The following DRC9 variants were observed in gnomAD, a reference collection of about 807,000 sequenced individuals.
DRC9 encodes dynein regulatory complex protein 9.
chr3:197,913,951 G>T, the DRC9 span: 8 of 1,613,950 alleles, frequency 5.0e-6, no homozygotes, highest in Non-Finnish European at 3.4e-6. Context: ...CTGCAGCTCG[G>T]TATTGGTTTT....
chr3:197,928,172 T>C, the DRC9 span, among the ~76,000 whole-genome samples: 5 of 152,190 alleles, frequency 3.3e-5, no homozygotes, highest in Middle Eastern at 3.2e-3. Flanking sequence ...TTAACTATCA[T>C]TGAAATTTTA....
the DRC9 span, among the ~76,000 whole-genome samples, chr3:197,904,110 ATTT>A: frequency 3.9e-3 from 314 of 80,784 alleles, 5 homozygotes; most frequent in African/African-American, 0.012. Context: ...ATATATATAT[ATTT>A]TTTTTTTTAA....
chr3:197,915,163 C>CAAAAAAAAAAAAAAA, the DRC9 span, among the ~76,000 whole-genome samples: 2 of 71,334 alleles, frequency 2.8e-5, no homozygotes, highest in South Asian at 5.3e-4. Context: ...GATTCTGTCT[C>CAAAAAAAAAAAAAAA]AAAAAAAAAA....
At chr3:197,922,733 T>G in the DRC9 span, among the ~76,000 whole-genome samples, 2 of 151,168 alleles carry the variant, frequency 1.3e-5, no homozygotes, top group Admixed American at 6.6e-5. Context: ...AATAAATAAA[T>G]AAATAAATAA....
the DRC9 span, among the ~76,000 whole-genome samples, chr3:197,904,039 C>T: frequency 1.5e-3 from 99 of 65,268 alleles, no homozygotes; most frequent in Non-Finnish European, 2.0e-3. Context: ...TATATACATA[C>T]ATATATATAC....
chr3:197,951,643 G>A, the DRC9 span: 12 of 325,668 alleles, frequency 3.7e-5, no homozygotes, highest in East Asian at 7.3e-4. Context: ...TTGAGCCACC[G>A]CGCCTGGCCT....
At chr3:197,951,351 C>G in the DRC9 span, 34 of 1,603,934 alleles carry the variant, frequency 2.1e-5, no homozygotes, top group African/African-American at 1.1e-4. Context: ...TTTTTGAGAT[C>G]TGCCTCATTT....
At chr3:197,957,589 G>A in the DRC9 span, 2 of 151,960 alleles carry the variant, frequency 1.3e-5, no homozygotes, top group African/African-American at 4.8e-5. Flanking sequence ...CAGGATTGTG[G>A]TTTTAAGGCA....
the DRC9 span, chr3:197,950,049 A>C: frequency 1.0e-6 from 1 of 992,744 alleles, no homozygotes; most frequent in Non-Finnish European, 1.3e-6. Flanking sequence ...AAATAATTGT[A>C]AGAGTGCTAT....
the DRC9 span, among the ~76,000 whole-genome samples, chr3:197,926,663 G>A: frequency 4.6e-5 from 7 of 152,076 alleles, no homozygotes; most frequent in African/African-American, 1.7e-4. Flanking sequence ...AGGCCACACT[G>A]CCCACAGACT....
At chr3:197,910,204 G>A in the DRC9 span, among the ~76,000 whole-genome samples, 118 of 152,296 alleles carry the variant, frequency 7.7e-4, no homozygotes, top group Middle Eastern at 3.4e-3. Context: ...GGAGGCTGAG[G>A]TGGGAGGATC....
At chr3:197,946,603 T>C in the DRC9 span, among the ~76,000 whole-genome samples, 618 of 152,092 alleles carry the variant, frequency 4.1e-3, 2 homozygotes, top group African/African-American at 0.014. Context: ...GGACAGTGAG[T>C]GGTGAGTTTC....
At chr3:197,934,181 G>GTTTTTTT in the DRC9 span, among the ~76,000 whole-genome samples, 2 of 82,650 alleles carry the variant, frequency 2.4e-5, 1 homozygote, top group African/African-American at 2.5e-4. Context: ...TTCATTCTGG[G>GTTTTTTT]TCTTTTTTTT....
the DRC9 span, among the ~76,000 whole-genome samples, chr3:197,955,280 T>C: frequency 7.9e-5 from 12 of 152,032 alleles, no homozygotes; most frequent in East Asian, 2.3e-3. Context: ...TTTCTTTTTT[T>C]TTTTTTGAGA....
At chr3:197,903,736 C>T in the DRC9 span, among the ~76,000 whole-genome samples, 1 of 152,070 alleles carries the variant, frequency 6.6e-6, no homozygotes, top group South Asian at 2.1e-4. Context: ...TTGCAAACTA[C>T]CTATATGACA....
the DRC9 span, among the ~76,000 whole-genome samples, chr3:197,901,422 G>A: frequency 6.6e-6 from 1 of 152,202 alleles, no homozygotes; most frequent in Non-Finnish European, 1.5e-5. The surrounding 1 kb of genome is among the most constrained non-coding windows in gnomAD (Gnocchi z 4.4). Flanking sequence ...ATAGGCATGA[G>A]CCACCGCCCC....
the DRC9 span, among the ~76,000 whole-genome samples, chr3:197,931,647 G>A: frequency 5.3e-5 from 8 of 151,286 alleles, no homozygotes; most frequent in East Asian, 3.9e-4. Context: ...TTGCTCTGTC[G>A]CCCAGGCTGG....
At chr3:197,938,209 C>T in the DRC9 span, among the ~76,000 whole-genome samples, 1 of 151,266 alleles carries the variant, frequency 6.6e-6, no homozygotes, top group Non-Finnish European at 1.5e-5. Flanking sequence ...CCCAGCTCTT[C>T]AGGAGGCTGA....
At chr3:197,939,786 T>A in the DRC9 span, among the ~76,000 whole-genome samples, 20 of 152,070 alleles carry the variant, frequency 1.3e-4, no homozygotes, top group Admixed American at 1.3e-3. Context: ...CCGCCCAGGC[T>A]GGAGTGCAGT....
Sources: gnomAD v4.1 joint callset for allele counts (sites outside exome capture counted in the v4.1 genomes callset) on GRCh38, gnomAD v4.1.1 for gene constraint, Gnocchi (gnomAD v3.1) non-coding constraint, MANE v1.5 for transcripts, NCBI Gene and HGNC (gene_info 2026-07-23, HGNC 2026-07-21) for gene names.